The following PTPRD variants were observed in gnomAD, a reference collection of about 807,000 sequenced individuals.
PTPRD encodes receptor-type tyrosine-protein phosphatase delta.
A neutral mutation model predicts 214.5 loss-of-function variants in PTPRD; 34 were observed. The ratio of observed to expected loss-of-function variants is 0.16; its 90% confidence interval spans 0.12 to 0.21. PTPRD has a LOEUF of 0.21. Ranked by LOEUF, PTPRD falls within the 10% of genes least tolerant of loss-of-function variation. The pLI is 1.00. For synonymous variants in PTPRD, 1,128 were observed against 845.7 expected, an observed-to-expected ratio of 1.33 and a Z score of -5.79; for missense variants, 2,545 against 2,398.7, an observed-to-expected ratio of 1.06 and a Z score of -1.27.
At chr9:9,946,360 T>A (rs1033374958) in intron 4 of PTPRD, among the ~76,000 whole-genome samples, 4 of 152,172 alleles carry the variant, frequency 2.6e-5, no homozygotes, top group Admixed American at 1.3e-4. Flanking sequence ...CACAAAGCAC[T>A]ACATATGGCT....
intron 3 of PTPRD, among the ~76,000 whole-genome samples, chr9:10,214,972 C>G (rs925231271): frequency 2.0e-5 from 3 of 151,942 alleles, no homozygotes; most frequent in Non-Finnish European, 2.9e-5. Flanking sequence ...GGGAAATGGA[C>G]AAGTGCTGAA....
At chr9:10,356,258 A>G (rs1170635133) in intron 2 of PTPRD, among the ~76,000 whole-genome samples, 1 of 152,160 alleles carries the variant, frequency 6.6e-6, no homozygotes, top group African/African-American at 2.4e-5. Flanking sequence ...CAGTGCCTCA[A>G]GGAGATTATT....
At chr9:8,738,398 A>C (rs4742534) in intron 11 of PTPRD, among the ~76,000 whole-genome samples, 1 of 151,664 alleles carries the variant, frequency 6.6e-6, no homozygotes, top group Non-Finnish European at 1.5e-5. Flanking sequence ...ATTTGTGTCT[A>C]AATACTGTAT....
At chr9:8,775,866 C>A (rs995043846) in intron 11 of PTPRD, among the ~76,000 whole-genome samples, 5 of 150,770 alleles carry the variant, frequency 3.3e-5, no homozygotes, top group African/African-American at 1.2e-4. Flanking sequence ...ATGCAATAAT[C>A]TGCAGGAATG....
At chr9:8,779,295 C>T (rs758074825) in intron 11 of PTPRD, among the ~76,000 whole-genome samples, 1 of 152,184 alleles carries the variant, frequency 6.6e-6, no homozygotes, top group Non-Finnish European at 1.5e-5. Context: ...TTTTTGGAAC[C>T]TGTTCTACCA....
At chr9:10,495,561 C>A (rs1050308695) in intron 2 of PTPRD, among the ~76,000 whole-genome samples, 6 of 151,806 alleles carry the variant, frequency 4.0e-5, no homozygotes, top group Non-Finnish European at 8.8e-5. Flanking sequence ...GTACTATTCA[C>A]TGTTTTAGGT....
intron 2 of PTPRD, among the ~76,000 whole-genome samples, chr9:10,360,946 C>CA (rs934924244): frequency 2.1e-4 from 32 of 151,464 alleles, no homozygotes; most frequent in Admixed American, 7.9e-4. Flanking sequence ...ACTAAAAATA[C>CA]AAAAAATTAG....
intron 8 of PTPRD, among the ~76,000 whole-genome samples, chr9:9,499,320 A>G (rs1007156560): frequency 3.9e-5 from 6 of 152,056 alleles, no homozygotes; most frequent in Non-Finnish European, 8.8e-5. Context: ...CATGGCAGGG[A>G]AAGATCATGA....
chr9:8,772,515 G>C (rs1036861962), intron 11 of PTPRD, among the ~76,000 whole-genome samples: 1 of 151,910 alleles, frequency 6.6e-6, no homozygotes, highest in Non-Finnish European at 1.5e-5. Context: ...TTGGTGTAGT[G>C]GTGCATGCCT....
intron 11 of PTPRD, among the ~76,000 whole-genome samples, chr9:8,935,539 T>C (rs2098991003): frequency 6.6e-6 from 1 of 152,182 alleles, no homozygotes; most frequent in Non-Finnish European, 1.5e-5. Context: ...CTACCTTTTT[T>C]CATGCCTTCA....
chr9:9,951,728 G>C (rs566178235), intron 4 of PTPRD, among the ~76,000 whole-genome samples: 11 of 152,328 alleles, frequency 7.2e-5, no homozygotes, highest in African/African-American at 2.4e-4. Flanking sequence ...TTTGAACGGG[G>C]AAGTATAATT....
intron 3 of PTPRD, among the ~76,000 whole-genome samples, chr9:10,282,375 G>A (rs553737024): frequency 6.6e-6 from 1 of 152,202 alleles, no homozygotes; most frequent in South Asian, 2.1e-4. Flanking sequence ...AGGTTTGTCT[G>A]AAAAGAAACA....
intron 3 of PTPRD, among the ~76,000 whole-genome samples, chr9:10,278,565 T>A (rs2154389509): frequency 6.6e-6 from 1 of 152,298 alleles, no homozygotes; most frequent in South Asian, 2.1e-4. Context: ...TGCCTATGTG[T>A]GTGTGTGTTG....
chr9:9,605,876 G>A (rs148027272), intron 7 of PTPRD, among the ~76,000 whole-genome samples: 1 of 152,190 alleles, frequency 6.6e-6, no homozygotes, highest in East Asian at 1.9e-4. Flanking sequence ...TTGTCATAAT[G>A]AGGCTCTTTT....
chr9:9,496,654 A>G (rs2096204742), intron 8 of PTPRD, among the ~76,000 whole-genome samples: 1 of 152,204 alleles, frequency 6.6e-6, no homozygotes, highest in Non-Finnish European at 1.5e-5. Flanking sequence ...TGTTGGTGGG[A>G]ATGTAAAATG....
chr9:8,513,355 G>A (rs2097719320), intron 21 of PTPRD, among the ~76,000 whole-genome samples: 2 of 151,970 alleles, frequency 1.3e-5, no homozygotes, highest in Admixed American at 6.6e-5. Context: ...ATGTCCATCT[G>A]TGTGACTCAT....
intron 3 of PTPRD, among the ~76,000 whole-genome samples, chr9:10,246,149 T>C (rs2092048062): frequency 6.6e-6 from 1 of 152,162 alleles, no homozygotes; most frequent in Admixed American, 6.5e-5. Flanking sequence ...ATGCAACTAC[T>C]AGATATAAAA....
chr9:10,126,740 T>C (rs562310333), intron 3 of PTPRD, among the ~76,000 whole-genome samples: 1 of 152,284 alleles, frequency 6.6e-6, no homozygotes, highest in Admixed American at 6.5e-5. Context: ...GGGATGGGTA[T>C]TGACTGTCAT....
chr9:8,941,132 T>C (rs531283491), intron 11 of PTPRD, among the ~76,000 whole-genome samples: 110 of 152,156 alleles, frequency 7.2e-4, no homozygotes, highest in Non-Finnish European at 1.4e-3. Context: ...AACTTTATGC[T>C]CTCTTTGCTC....
Sources: allele counts gnomAD v4.1 joint callset (sites outside exome capture counted in the v4.1 genomes callset), GRCh38; gene constraint gnomAD v4.1.1; transcripts MANE v1.5; gene names NCBI Gene and HGNC (gene_info 2026-07-23, HGNC 2026-07-21).